Variants in PDK1 observed in about 807,000 individuals in gnomAD.
PDK1 encodes [Pyruvate dehydrogenase (acetyl-transferring)] kinase isozyme 1, mitochondrial.
A neutral mutation model predicts 54.2 loss-of-function variants in PDK1; 39 were observed. The observed-to-expected ratio is 0.72, with a 90% CI of 0.56 to 0.94. PDK1 has a LOEUF of 0.94. Among genes scored for constraint, PDK1 ranks in the 40% least tolerant of loss-of-function variants. The probability of loss-of-function intolerance (pLI) is 0.00; values close to 1 mark genes in which losing one functional copy is unlikely to be tolerated. For synonymous variants in PDK1, 221 were observed against 207.1 expected, an observed-to-expected ratio of 1.07 and a Z score of -0.58; for missense variants, 552 against 566.0, an observed-to-expected ratio of 0.98 and a Z score of 0.25.
At chr2:172,633,783 C>A in the PDK1 span, among the ~76,000 whole-genome samples, 1 of 148,120 alleles carries the variant, frequency 6.8e-6, no homozygotes, top group East Asian at 2.0e-4. Flanking sequence ...TTTCCTACTT[C>A]TCTTTTTCCT....
At chr2:172,593,439 G>A (rs1232807370) in intron 10 of PDK1, among the ~76,000 whole-genome samples, 1 of 151,994 alleles carries the variant, frequency 6.6e-6, no homozygotes, top group Non-Finnish European at 1.5e-5. Context: ...TTTTGCAAAA[G>A]CTGTACTGAC....
At chr2:172,585,157 C>T (rs2149272470) in intron 8 of PDK1, among the ~76,000 whole-genome samples, 1 of 151,060 alleles carries the variant, frequency 6.6e-6, no homozygotes. Context: ...CCACCATGCC[C>T]AGCTAATTTT....
chr2:172,689,173 T>G, the PDK1 span, among the ~76,000 whole-genome samples: 1 of 152,158 alleles, frequency 6.6e-6, no homozygotes, highest in Non-Finnish European at 1.5e-5. Flanking sequence ...TGCCGATTGG[T>G]CCATTTTACA....
At chr2:172,694,276 C>T in the PDK1 span, among the ~76,000 whole-genome samples, 1 of 152,214 alleles carries the variant, frequency 6.6e-6, no homozygotes. Context: ...TGTGGTTACA[C>T]AAGAGACTAC....
chr2:172,689,166 CGATTGGTCCATTTTACAGTGTGCT>C, the PDK1 span, among the ~76,000 whole-genome samples: 1 of 151,914 alleles, frequency 6.6e-6, no homozygotes, highest in Non-Finnish European at 1.5e-5. Flanking sequence ...TACAGAGTGC[CGATTGGTCCATTTTACAGTGTGCT>C]GATTGGTCCA....
rs1690914323 is a variant in PDK1, at chr2:172,596,747, T to C, written c.*778T>C. 6.6e-6 allele frequency: 1 copy of C among 152,214 alleles called. No homozygotes were observed. Among genetic ancestry groups the C allele is most frequent in the East Asian group, 1.9e-4 (1 of 5,196 alleles). The allele number at this position is 152,214 out of a possible 1,614,324, so 9.4% of individuals were successfully genotyped here. On this transcript the variant is annotated 3_prime_UTR_variant, in exon 11 of 11. Transcript: ENST00000282077. ...AAACTGAACTGATTGCTTGTTGAGA[T>C]TACCTAGAAAGCTTTTGGAAAAAAA...
At chr2:172,619,461 T>C in the PDK1 span, among the ~76,000 whole-genome samples, 3 of 151,514 alleles carry the variant, frequency 2.0e-5, no homozygotes, top group Non-Finnish European at 4.4e-5. Flanking sequence ...CATTAAATTT[T>C]TGTGCTTACA....
the PDK1 span, among the ~76,000 whole-genome samples, chr2:172,625,925 A>G: frequency 6.6e-6 from 1 of 152,222 alleles, no homozygotes; most frequent in African/African-American, 2.4e-5. Context: ...GAAAATAAAC[A>G]TAAACGTCAC....
At chr2:172,666,967 T>G in the PDK1 span, among the ~76,000 whole-genome samples, 2,602 of 152,278 alleles carry the variant, frequency 0.017, 73 homozygotes, top group African/African-American at 0.059. Flanking sequence ...GAAAGAAATT[T>G]TAATTTTTTA....
At chr2:172,703,437 C>T in the PDK1 span, among the ~76,000 whole-genome samples, 8,129 of 152,168 alleles carry the variant, frequency 0.053, 416 homozygotes, top group East Asian at 0.22. Flanking sequence ...ATTTTTATAT[C>T]ATTTTCCTAT....
At chr2:172,591,414 C>A (rs1463495648) in intron 9 of PDK1, among the ~76,000 whole-genome samples, 1 of 152,218 alleles carries the variant, frequency 6.6e-6, no homozygotes. Context: ...GTCCTCCATT[C>A]TCAGCAGTGA....
chr2:172,663,988 C>G, the PDK1 span, among the ~76,000 whole-genome samples: 1 of 136,546 alleles, frequency 7.3e-6, no homozygotes, highest in East Asian at 2.8e-4. Flanking sequence ...TTTTTAACCT[C>G]TCGTAGGAAT....
the PDK1 span, among the ~76,000 whole-genome samples, chr2:172,699,951 T>C: frequency 1.3e-5 from 2 of 152,092 alleles, no homozygotes; most frequent in Admixed American, 6.5e-5. Flanking sequence ...TAGAGAGTGG[T>C]GATGACTCTT....
In PDK1 at chr2:172,564,563, C is replaced by G; in HGVS notation, c.471C>G (p.Ala157=). Reference sequence around the variant, plus strand: ...ACAATGATGTCATTCCCACAATGGCCCAGGGTGTGATTGAATACAAGGAGA... The same window carrying G: ...ACAATGATGTCATTCCCACAATGGCGCAGGGTGTGATTGAATACAAGGAGA... ...NRHNDVIPTM[A]QGVIEYKESF... is the part of the protein sequence containing the mutation. The change falls in exon 4 of 11, where the codon GCC becomes GCG. Residue 157 remains alanine (A), a synonymous_variant. Coordinates refer to ENST00000282077, the MANE Select transcript of PDK1 (RefSeq NM_002610.5). The G allele has an allele frequency of 1.2e-6, 2 of 1,613,866 alleles. No individual in the cohort carries two copies. The highest frequency in any genetic ancestry group is 1.7e-6 in the Non-Finnish European group (2 of 1,179,832).
At chr2:172,682,428 G>A in the PDK1 span, among the ~76,000 whole-genome samples, 1 of 152,244 alleles carries the variant, frequency 6.6e-6, no homozygotes, top group South Asian at 2.1e-4. Context: ...GGCCACTGCA[G>A]TGAGAATGAT....
At chr2:172,689,355 C>CAAACA in the PDK1 span, among the ~76,000 whole-genome samples, 1,066 of 152,246 alleles carry the variant, frequency 7.0e-3, 16 homozygotes, top group African/African-American at 0.025. Flanking sequence ...AAACAGGACA[C>CAAACA]AAACAAATGG....
chr2:172,568,085 G>C lies in PDK1; in HGVS notation c.770-656G>C, dbSNP rs571725646. On this transcript the variant is annotated intron_variant, in intron 6 of 10. Coordinates refer to ENST00000282077, the MANE Select transcript of PDK1 (RefSeq NM_002610.5). The stretch of plus-strand genomic sequence containing the variant: ...GCAGTGGCTCACATCTATAATCCCA[G>C]CACTTTGGGAGGCCGAGGCGGGTGG... Among the ~76,000 whole-genome samples the C allele has an allele frequency of 1.7e-3, 265 of 152,238 alleles. 1 individual carries two copies. Among genetic ancestry groups the C allele is most frequent in the Admixed American group, 3.2e-3 (49 of 15,292 alleles).
At chr2:172,609,672 A>G (rs556085871), downstream of PDK1, among the ~76,000 whole-genome samples, 1 of 152,350 alleles carries the variant, frequency 6.6e-6, no homozygotes, top group Non-Finnish European at 1.5e-5. Context: ...TTAAGTGTAC[A>G]TCATCATTAG....
At chr2:172,684,985 C>A in the PDK1 span, among the ~76,000 whole-genome samples, 1 of 152,130 alleles carries the variant, frequency 6.6e-6, no homozygotes, top group Non-Finnish European at 1.5e-5. Context: ...TGAATGAGTT[C>A]TCATGAGATC....
Sources: allele counts gnomAD v4.1 joint callset (sites outside exome capture counted in the v4.1 genomes callset), GRCh38; gene constraint gnomAD v4.1.1; transcripts MANE v1.5; gene names NCBI Gene and HGNC (gene_info 2026-07-23, HGNC 2026-07-21).